Variants in TMLHE observed in about 807,000 individuals in gnomAD.
TMLHE encodes the protein trimethyllysine hydroxylase, epsilon.
A neutral mutation model predicts 25.7 loss-of-function variants in TMLHE; 18 were observed. The observed-to-expected ratio is 0.70, with a 90% confidence interval of 0.48 to 1.04. The LOEUF is 1.04. Among genes scored for constraint, TMLHE ranks in the 50% least tolerant of loss-of-function variants. TMLHE has a pLI of 0.00. For missense variants in TMLHE, 236 were observed against 259.0 expected, an observed-to-expected ratio of 0.91 and a Z score of 0.61; for synonymous variants, 105 against 97.0, an observed-to-expected ratio of 1.08 and a Z score of -0.49.
chrX:155,612,634 C>T (rs1223065815), intron 1 of TMLHE, 158 bp downstream of exon 1: 1 of 112,808 alleles, frequency 8.9e-6, no homozygotes, highest in Non-Finnish European at 1.9e-5. Context: ...GCCTTCCTCT[C>T]CGCCAGGGTT....
Position 155,549,284 on chromosome X carries a change from GCCTT to G in TMLHE, c.-1-4011_-1-4008del, listed in dbSNP as rs1557339620. ...AGGAGGAGTAAGCATGGACAACCTT[GCCTT>G]GTTCCTGATCTTAGGGGAAAACATT... is the stretch of plus-strand genomic sequence containing the variant. On this transcript the variant is annotated intron_variant, in intron 1 of 7. Transcript: ENST00000334398. Among the ~76,000 whole-genome samples the G allele has an allele frequency of 2.7e-5, 3 of 110,265 alleles. 1 individual carries two copies. Among genetic ancestry groups the G allele is most frequent in the Non-Finnish European group, 5.7e-5 (3 of 52,893 alleles).
intron 1 of TMLHE, among the ~76,000 whole-genome samples, chrX:155,588,531 A>G (rs782319998): frequency 1.5e-4 from 17 of 111,849 alleles, no homozygotes; most frequent in Non-Finnish European, 3.0e-4. Context: ...AGAAACAATC[A>G]ACAGAGTGAA....
chrX:155,551,782 A>T lies in TMLHE; in HGVS notation c.-1-6505T>A, dbSNP rs947229409. Among the ~76,000 whole-genome samples the T allele has an allele frequency of 8.2e-5, 9 of 109,983 alleles. 1 individual carries two copies. The highest frequency in any genetic ancestry group is 3.0e-4 in the African/African-American group (9 of 29,527). ...CTGGGTTATCTGTGAGTCTGCCTTTATTGACTATTGTCCTCCCTCCTTATT... is the reference window on the plus strand; with the variant it reads ...CTGGGTTATCTGTGAGTCTGCCTTTTTTGACTATTGTCCTCCCTCCTTATT... On this transcript the variant is annotated intron_variant, in intron 1 of 7. Transcript: ENST00000334398.
rs782425064 is a variant in TMLHE at position 155,568,290 on chromosome X, G to A, written c.-1-23013C>T. Among the ~76,000 whole-genome samples the A allele has an allele frequency of 1.5e-4, 9 of 61,486 alleles. 1 individual carries two copies. In the South Asian group the frequency reaches 8.0e-3, roughly 54 times the overall value. The allele number at this position is 61,486 out of a possible 115,157, so 53.4% of individuals were successfully genotyped here. A position where few individuals can be genotyped will look rare whatever the true frequency, so the allele number is the denominator to read the frequency against. On this transcript the variant is annotated intron_variant, in intron 1 of 7. Coordinates refer to ENST00000334398, the MANE Select transcript of TMLHE (RefSeq NM_018196.4). ...GCAGCAGCGAGGCTGGGGGAGGGGC[G>A]CCCACCATTGCCCAGGCTTCCTTAG...
chrX:155,559,910 C>T (rs782330157), intron 1 of TMLHE, among the ~76,000 whole-genome samples: 9 of 112,443 alleles, frequency 8.0e-5, no homozygotes. Context: ...ATTCTCCTGC[C>T]TAAGACTTAG....
chrX:155,583,483 G>C (rs1557344872), intron 1 of TMLHE, among the ~76,000 whole-genome samples: 3 of 103,658 alleles, frequency 2.9e-5, no homozygotes. Flanking sequence ...CAACATGTAG[G>C]AATTCAAGAT....
intron 2 of TMLHE, among the ~76,000 whole-genome samples, chrX:155,536,897 A>G (rs2067282190): frequency 8.9e-6 from 1 of 112,173 alleles, no homozygotes; most frequent in African/African-American, 3.2e-5. Context: ...TAATAAAATT[A>G]ACACTCAGCA....
At chrX:155,575,779 A>G (rs1157575580) in intron 1 of TMLHE, among the ~76,000 whole-genome samples, 1 of 112,591 alleles carries the variant, frequency 8.9e-6, no homozygotes, top group Non-Finnish European at 1.9e-5. Context: ...ATAGAAGCAG[A>G]AAAGGCTTTT....
At position 155,506,949 on chromosome X, in the gene TMLHE, A is replaced by G; in HGVS notation, c.944T>C (p.Ile315Thr). The G allele has an allele frequency of 8.3e-7, 1 of 1,210,059 alleles. No individual in the cohort carries two copies. The highest frequency in any genetic ancestry group is 1.8e-5 in the South Asian group (1 of 56,938). The change falls in exon 6 of 8, where the codon ATT (isoleucine) becomes ACT (threonine). Residue 315 changes from isoleucine to threonine, a missense_variant. This residue lies in a region of TMLHE where 19 missense variants were observed against 44.4 expected (regional missense o/e 0.43). Transcript: ENST00000334398. ...TGGGTAGATATTTAAGACTGGCCCA[A>G]TCCCAATCATGTGGTTGTGACATTC... Reference protein sequence around the residue: ...VGECHNHMIGIGPVLNIYPWN... With the variant: ...VGECHNHMIGTGPVLNIYPWN...
At chrX:155,512,044 C>A (rs1424166076) in intron 4 of TMLHE, among the ~76,000 whole-genome samples, 1 of 111,440 alleles carries the variant, frequency 9.0e-6, no homozygotes, top group Non-Finnish European at 1.9e-5. Context: ...CTTGGAGAAT[C>A]ATCCCACTCT....
intron 1 of TMLHE, among the ~76,000 whole-genome samples, chrX:155,550,323 T>G (rs1569562117): frequency 9.0e-6 from 1 of 111,125 alleles, no homozygotes; most frequent in East Asian, 2.8e-4. Flanking sequence ...AAACTAATCC[T>G]AAAGTAACTA....
intron 1 of TMLHE, among the ~76,000 whole-genome samples, chrX:155,548,451 A>AAAGAATAAGT (rs2067371691): frequency 1.8e-5 from 2 of 110,791 alleles, no homozygotes; most frequent in Admixed American, 9.5e-5. Flanking sequence ...AAGACATCCT[A>AAAGAATAAGT]CAGGCTGGGC....
At chrX:155,585,416 AAC>A (rs56160372) in intron 1 of TMLHE, among the ~76,000 whole-genome samples, 21,866 of 96,297 alleles carry the variant, frequency 0.23, 2,058 homozygotes, top group African/African-American at 0.32. Context: ...CACACACACA[AAC>A]ACACACACAC....
chrX:155,541,489 A>T (rs1375590030), intron 2 of TMLHE, among the ~76,000 whole-genome samples: 4 of 111,757 alleles, frequency 3.6e-5, no homozygotes, highest in African/African-American at 9.8e-5. Flanking sequence ...TATTGTGAAC[A>T]GTGCTGCAAT....
intron 1 of TMLHE, among the ~76,000 whole-genome samples, chrX:155,597,373 T>C (rs1484143132): frequency 1.5e-4 from 17 of 110,737 alleles, no homozygotes; most frequent in Admixed American, 5.8e-4. Flanking sequence ...TGTGGAGAAA[T>C]AGGAACGCTT....
At chrX:155,579,369 A>G (rs2067611014) in intron 1 of TMLHE, among the ~76,000 whole-genome samples, 2 of 112,461 alleles carry the variant, frequency 1.8e-5, no homozygotes, top group Admixed American at 1.9e-4. Flanking sequence ...AAGCTATAGG[A>G]ACCAAACAGC....
chrX:155,542,256 T>C (rs1557338312), intron 2 of TMLHE, among the ~76,000 whole-genome samples: 1 of 111,820 alleles, frequency 8.9e-6, no homozygotes. Context: ...TTCAGCCTTC[T>C]GCATATGGCA....
Position 155,547,175 on chromosome X carries a change from T to C in TMLHE, c.-1-1898A>G, listed in dbSNP as rs191988264. Among the ~76,000 whole-genome samples the C allele has an allele frequency of 8.7e-3, 901 of 104,156 alleles. 8 individuals carry two copies. The highest frequency in any genetic ancestry group is 0.026 in the African/African-American group (758 of 29,272). The allele number at this position is 104,156 out of a possible 115,157, so 90.4% of individuals were successfully genotyped here. A position where few individuals can be genotyped will look rare whatever the true frequency, so the allele number is the denominator to read the frequency against. On this transcript the variant is annotated intron_variant, in intron 1 of 7. Coordinates refer to ENST00000334398, the MANE Select transcript of TMLHE (RefSeq NM_018196.4). ...TTTTTTTTTTTTTGAGACGGAGTCT[T>C]GCTCTGTCGCCCAGGCTGGAGTGCA...
chrX:155,523,375 T>G (rs1014286412), intron 3 of TMLHE, among the ~76,000 whole-genome samples: 1 of 111,585 alleles, frequency 9.0e-6, no homozygotes, highest in Non-Finnish European at 1.9e-5. Flanking sequence ...TGAGGTTCTT[T>G]TATTTTTTCA....
Sources: allele counts gnomAD v4.1 joint callset (sites outside exome capture counted in the v4.1 genomes callset), GRCh38; gene constraint gnomAD v4.1.1; regional missense constraint gnomAD v4.1.1; transcripts MANE v1.5; gene names NCBI Gene and HGNC (gene_info 2026-07-23, HGNC 2026-07-21).